The following ZNF311 variants were observed in gnomAD, a reference collection of about 807,000 sequenced individuals.
The protein encoded by ZNF311 is zinc finger protein 311, also known as zinc finger protein zfp31.
A neutral mutation model predicts 22.7 loss-of-function variants in ZNF311; 14 were observed. The ratio of observed to expected loss-of-function variants is 0.62; its 90% confidence interval spans 0.41 to 0.96. The LOEUF is 0.96. ZNF311 is among the 40% of genes least tolerant of loss of function. ZNF311 has a pLI of 0.00. For synonymous variants in ZNF311, 250 were observed against 275.3 expected (o/e 0.91, Z 0.91); for missense variants, 731 against 799.0 (o/e 0.91, Z 1.03).
Position 28,995,973 on chromosome 6 carries a change from C to G in ZNF311, c.1029G>C (p.Arg343Ser), listed in dbSNP as rs778853913. 1.2e-6 allele frequency: 2 copies of G among 1,613,656 alleles called. No homozygotes were observed. The highest frequency in any genetic ancestry group is 2.2e-5 in the South Asian group (2 of 91,078). The part of the protein sequence containing the change: ...CRDCGKAFKT[R>S]NRLCMHQLIH... ...TAAGCTGATGCATACAGAGACGGTT[C>G]CTGGTCTTGAAGGCCTTCCCACAGT... The change falls in exon 7 of 7, where the codon AGG becomes AGC. Residue 343 changes from arginine to serine, a missense_variant. Arg to Ser is a moderately radical substitution (Grantham distance 110). Transcript: ENST00000377179. This position sits in a 1 kb window ranked among gnomAD's most constrained non-coding sequence, Gnocchi z 4.7.
chr6:29,002,481 T>A (rs1449386153), intron 3 of ZNF311, among the ~76,000 whole-genome samples: 1 of 152,190 alleles, frequency 6.6e-6, no homozygotes. Context: ...TTATTTTTAT[T>A]TTTTGCAGGT....
intron 6 of ZNF311, among the ~76,000 whole-genome samples, 169 bp downstream of exon 6, chr6:28,998,563 CAG>C (rs1317885868): frequency 2.0e-5 from 3 of 152,150 alleles, no homozygotes; most frequent in African/African-American, 7.2e-5. Flanking sequence ...TAGATAATAA[CAG>C]AATAATTGCC....
intron 2 of ZNF311, 143 bp downstream of exon 2, chr6:29,003,803 G>A (rs539829547): frequency 1.3e-6 from 2 of 1,568,550 alleles, no homozygotes; most frequent in Non-Finnish European, 1.7e-6. Flanking sequence ...ACCAGGTCAA[G>A]CAGCAAAAAC....
At chr6:28,998,875 TATAACTTA>T (rs766091059) in intron 5 of ZNF311, 37 bp from the exon 6 acceptor site, 3 of 1,456,236 alleles carry the variant, frequency 2.1e-6, no homozygotes, top group Non-Finnish European at 2.9e-6. Flanking sequence ...TAGAGTAACT[TATAACTTA>T]ATAACTTATA....
Position 28,999,479 on chromosome 6 carries a change from G to A in ZNF311, c.310+8C>T. On this transcript the variant is annotated splice_region_variant and intron_variant, in intron 5 of 6. Transcript: ENST00000377179. ...GTAGAAAGCATTAAGTGTAGGGAAG[G>A]TCCTTACCAAGTGATACCATGTTCC... 1.2e-6 allele frequency: 2 copies of A among 1,607,390 alleles called. No homozygotes were observed. Among genetic ancestry groups the A allele is most frequent in the Non-Finnish European group, 1.7e-6 (2 of 1,177,876 alleles).
chr6:28,999,808 C>A, intron 4 of ZNF311, 148 bp downstream of exon 4: 1 of 1,234,884 alleles, frequency 8.1e-7, no homozygotes, highest in South Asian at 1.5e-5. Context: ...AAACAACCCA[C>A]AAGTGGTTTA....
intron 3 of ZNF311, among the ~76,000 whole-genome samples, chr6:29,001,061 C>A (rs1444260649): frequency 6.6e-6 from 1 of 152,228 alleles, no homozygotes; most frequent in African/African-American, 2.4e-5. Context: ...CAGGCATGAG[C>A]CACCACGCCC....
rs748685657 is a variant in ZNF311, at chr6:28,996,364, A to C, written c.638T>G (p.Val213Gly). ...LREEKEGSEEVTCKKGKNQKV... is the reference protein window; with the variant it reads ...LREEKEGSEEGTCKKGKNQKV... Reference sequence around the variant, plus strand: ...CTGGTTCTTTCCTTTTTTGCAGGTCACTTCCTCAGAGCCTTCTTTCTCTTC... The same window carrying C: ...CTGGTTCTTTCCTTTTTTGCAGGTCCCTTCCTCAGAGCCTTCTTTCTCTTC... The change falls in exon 7 of 7, where the codon GTG becomes GGG. Residue 213 changes from valine (V) to glycine (G), a missense_variant. Transcript: ENST00000377179. The C allele has an allele frequency of 1.9e-6, 3 of 1,611,916 alleles. No homozygotes were observed. Among genetic ancestry groups the C allele is most frequent in the South Asian group, 1.1e-5 (1 of 91,026 alleles).
At position 28,999,518 on chromosome 6, in the gene ZNF311, C is replaced by T. The variant is rs1352727006; in HGVS notation, c.279G>A (p.Met93Ile). 3 of 1,612,836 alleles carry T rather than the reference C, an allele frequency of 1.9e-6. No individual in the cohort carries two copies. The highest frequency in any genetic ancestry group is 1.3e-5 in the African/African-American group (1 of 74,888). Residue 93 changes from methionine (M) to isoleucine (I), a missense_variant, in exon 5 of 7, where the codon ATG becomes ATA. Coordinates refer to ENST00000377179, the MANE Select transcript of ZNF311 (RefSeq NM_001382360.1). The stretch of plus-strand genomic sequence containing the variant: ...ATACCATGTTCCCATAATTTTCCAA[C>T]ATCACATCCTTATAGAGATGCCTTT... ...YAQRHLYKDV[M>I]LENYGNMVSL...
At chr6:28,999,728 T>A in intron 4 of ZNF311, 115 bp from the exon 5 acceptor site, 1 of 1,427,738 alleles carries the variant, frequency 7.0e-7, no homozygotes, top group Non-Finnish European at 9.3e-7. Context: ...GGCTCTTCCC[T>A]TTTGGTGGGT....
intron 2 of ZNF311, 69 bp downstream of exon 2, chr6:29,003,877 T>C (rs753973026): frequency 1.1e-5 from 18 of 1,612,742 alleles, no homozygotes; most frequent in Non-Finnish European, 1.5e-5. Context: ...TCACACTGCT[T>C]TCCTTCTTTC....
chr6:29,000,078 T>C, intron 3 of ZNF311, 31 bp from the exon 4 acceptor site: 1 of 1,582,458 alleles, frequency 6.3e-7, no homozygotes, highest in Non-Finnish European at 8.6e-7. Context: ...CAAGAGTCAA[T>C]ATAGCACAGT....
chr6:28,999,349 C>T, intron 5 of ZNF311, 138 bp downstream of exon 5: 5 of 874,544 alleles, frequency 5.7e-6, no homozygotes, highest in Non-Finnish European at 7.7e-6. Flanking sequence ...CAACTCAAAA[C>T]TCTTAATTTT....
At chr6:29,003,864 C>T in intron 2 of ZNF311, 82 bp downstream of exon 2, 7 of 1,612,490 alleles carry the variant, frequency 4.3e-6, no homozygotes, top group Non-Finnish European at 4.2e-6. Context: ...GACACACCTC[C>T]ACTCACACTG....
At chr6:29,004,318 A>G in intron 1 of ZNF311, 104 bp from the exon 2 acceptor site, 2 of 738,502 alleles carry the variant, frequency 2.7e-6, no homozygotes, top group Non-Finnish European at 3.8e-6. Context: ...GAACATATCC[A>G]GAATACAATC....
In ZNF311 at chr6:28,998,779, C is replaced by T. The variant is rs763161064; in HGVS notation, c.370G>A (p.Val124Met). 67 of 1,612,846 alleles carry T rather than the reference C, an allele frequency of 4.2e-5. No homozygotes were observed. Among genetic ancestry groups the T allele is most frequent in the Non-Finnish European group, 5.7e-5 (67 of 1,179,994 alleles). ...SHLEREVDPC[V>M]QDPQDRESLS... is the part of the protein sequence containing the mutation. ...GACTCCCTGTCCTGTGGATCCTGCA[C>T]ACAGGGGTCTACTTCTCGCTCCAGA... Residue 124 changes from valine to methionine, a missense_variant, in exon 6 of 7, where the codon GTG becomes ATG. Transcript: ENST00000377179.
At chr6:28,998,592 G>A (rs998826319) in intron 6 of ZNF311, 142 bp downstream of exon 6, 1 of 590,512 alleles carries the variant, frequency 1.7e-6, no homozygotes, top group Non-Finnish European at 3.0e-6. Context: ...GTTTGTCACT[G>A]TTTCAATTTT....
chr6:29,003,692 TCTC>T lies in ZNF311; in HGVS notation c.10-101_10-99del. ...CATACAGGTCTATCCACAGAAACTGTCTCCCAGAAATACCAAAAGAAGGGAGAA... is the reference window on the plus strand; with the variant it reads ...CATACAGGTCTATCCACAGAAACTGTCCAGAAATACCAAAAGAAGGGAGAA... On this transcript the variant is annotated intron_variant, in intron 2 of 6. Transcript: ENST00000377179. 6 of 1,473,454 alleles carry T rather than the reference TCTC, an allele frequency of 4.1e-6. No homozygotes were observed. In the South Asian group the frequency reaches 6.8e-5, roughly 17 times the overall value. 91.3% of individuals were successfully genotyped at this position (1,473,454 alleles called of 1,614,324 possible). A position where few individuals can be genotyped will look rare whatever the true frequency, so the allele number is the denominator to read the frequency against.
chr6:28,996,514 G>T lies in ZNF311; in HGVS notation c.488C>A (p.Ala163Asp), dbSNP rs748475186. 1.2e-6 allele frequency: 2 copies of T among 1,606,260 alleles called. No homozygotes were observed. The highest frequency in any genetic ancestry group is 2.2e-5 in the South Asian group (2 of 90,962). Residue 163 changes from alanine (A) to aspartate (D), a missense_variant, in exon 7 of 7, where the codon GCC becomes GAC. Physicochemically the swap from Ala to Asp is moderately radical, Grantham distance 126 (BLOSUM62 -2). Coordinates refer to ENST00000377179, the MANE Select transcript of ZNF311 (RefSeq NM_001382360.1). ...GAGACTGTTAAATTTCATCCAGTAG[G>T]CTTCTCCATTTTCAAAAATCTCTTG... Reference protein sequence around the residue: ...SQQEIFENGEAYWMKFNSLLK... With the variant: ...SQQEIFENGEDYWMKFNSLLK...
Sources: allele counts gnomAD v4.1 joint callset (sites outside exome capture counted in the v4.1 genomes callset), GRCh38; gene constraint gnomAD v4.1.1; non-coding constraint Gnocchi (gnomAD v3.1); transcripts MANE v1.5; gene names NCBI Gene and HGNC (gene_info 2026-07-23, HGNC 2026-07-21).